Variants in CSMD3 observed in about 807,000 individuals in gnomAD.
The protein encoded by CSMD3 is CUB and Sushi multiple domains 3.
CSMD3 carries 177 observed loss-of-function variants against 435.2 expected under a neutral mutation model. The observed-to-expected ratio is 0.41, with a 90% confidence interval of 0.36 to 0.46. The LOEUF (loss-of-function observed/expected upper bound fraction) is 0.46, where lower values mean the gene tolerates loss of function less well. CSMD3 is among the 20% of genes least tolerant of loss of function. The pLI is 0.34. For missense variants in CSMD3, 4,265 were observed against 4,504.6 expected (o/e 0.95, Z 1.52); for synonymous variants, 1,656 against 1,520.5 (o/e 1.09, Z -2.07).
chr8:113,099,068 A>G lies in CSMD3; in HGVS notation c.710-105T>C, dbSNP rs77257865. On this transcript the variant is annotated intron_variant, in intron 4 of 70. Coordinates refer to ENST00000297405, the MANE Select transcript of CSMD3 (RefSeq NM_198123.2). ...ATGTTTGGATAAAAATAACAGTTCA[A>G]ATGTGATACCAAGTGCATAATATAC... 2.1e-3 allele frequency: 1,624 copies of G among 758,750 alleles called. 17 individuals carry two copies. In the African/African-American group the frequency reaches 0.025, roughly 12 times the overall value. 47.0% of individuals were successfully genotyped at this position (758,750 alleles called of 1,614,324 possible).
chr8:113,045,371 G>A (rs2131303702), intron 5 of CSMD3, among the ~76,000 whole-genome samples: 1 of 149,004 alleles, frequency 6.7e-6, no homozygotes, highest in Non-Finnish European at 1.5e-5. Context: ...AACGTCTCAC[G>A]TTATTGTCTT....
chr8:112,327,511 G>C (rs1314202725), intron 45 of CSMD3, among the ~76,000 whole-genome samples: 2 of 152,138 alleles, frequency 1.3e-5, no homozygotes, highest in Non-Finnish European at 2.9e-5. Flanking sequence ...ATATATGTTA[G>C]TCCATGCTTT....
intron 35 of CSMD3, among the ~76,000 whole-genome samples, chr8:112,398,948 G>A (rs1390455506): frequency 2.7e-5 from 4 of 148,916 alleles, no homozygotes; most frequent in Non-Finnish European, 5.9e-5. Context: ...ACAGAATCTC[G>A]CTCTGTTGCC....
chr8:113,216,703 C>T (rs1302828512), intron 3 of CSMD3, among the ~76,000 whole-genome samples: 1 of 151,874 alleles, frequency 6.6e-6, no homozygotes, highest in Admixed American at 6.6e-5. Context: ...CTACTTTTAT[C>T]AAAGCTTTCG....
intron 3 of CSMD3, among the ~76,000 whole-genome samples, chr8:113,275,108 T>G (rs905989340): frequency 6.6e-6 from 1 of 152,146 alleles, no homozygotes; most frequent in Non-Finnish European, 1.5e-5. Context: ...GTAATTCATA[T>G]GTATAGACTG....
chr8:112,576,387 C>T (rs1434451887), intron 23 of CSMD3, among the ~76,000 whole-genome samples: 1 of 151,740 alleles, frequency 6.6e-6, no homozygotes, highest in Non-Finnish European at 1.5e-5. Flanking sequence ...TAGTTCTAAG[C>T]CTTTGTTAGG....
chr8:113,350,173 C>T (rs2094180488), intron 1 of CSMD3, among the ~76,000 whole-genome samples: 1 of 151,980 alleles, frequency 6.6e-6, no homozygotes, highest in Admixed American at 6.6e-5. Context: ...TGACCCCCGA[C>T]AACATCATAC....
chr8:113,256,647 G>T (rs1195614039), intron 3 of CSMD3, among the ~76,000 whole-genome samples: 1 of 152,160 alleles, frequency 6.6e-6, no homozygotes, highest in Non-Finnish European at 1.5e-5. Flanking sequence ...ATTTCTAACT[G>T]TAAAAAATAA....
chr8:112,728,623 C>T (rs2077013885), intron 13 of CSMD3, among the ~76,000 whole-genome samples: 2 of 151,990 alleles, frequency 1.3e-5, no homozygotes, highest in African/African-American at 4.8e-5. Context: ...CTCCTCCTCC[C>T]ATAATGTATT....
intron 13 of CSMD3, among the ~76,000 whole-genome samples, chr8:112,741,295 C>T (rs1032307757): frequency 6.6e-6 from 1 of 151,828 alleles, no homozygotes; most frequent in Admixed American, 6.6e-5. Context: ...TGGTAAGAGA[C>T]TTAACTAGAC....
chr8:113,147,818 C>G (rs1204109287), intron 4 of CSMD3, among the ~76,000 whole-genome samples: 1 of 151,630 alleles, frequency 6.6e-6, no homozygotes, highest in Non-Finnish European at 1.5e-5. Flanking sequence ...ACACATAACA[C>G]TCATGAATAA....
At chr8:112,385,076 G>T (rs1186683827) in intron 36 of CSMD3, among the ~76,000 whole-genome samples, 1 of 152,050 alleles carries the variant, frequency 6.6e-6, no homozygotes, top group African/African-American at 2.4e-5. Context: ...ACAGTGGGGG[G>T]TATTTACATA....
chr8:112,386,132 G>A (rs888053487), intron 36 of CSMD3, among the ~76,000 whole-genome samples: 1 of 152,186 alleles, frequency 6.6e-6, no homozygotes, highest in African/African-American at 2.4e-5. Flanking sequence ...AAGAGATGCT[G>A]TCATTCCTGA....
rs181114655 is a variant in CSMD3 at position 112,998,143 on chromosome 8, T to C, written c.1030+20924A>G. Among the ~76,000 whole-genome samples the C allele has an allele frequency of 2.0e-3, 302 of 151,978 alleles. 4 individuals are homozygous for C. The highest frequency in any genetic ancestry group is 2.2e-4 in the Non-Finnish European group (15 of 67,900). The stretch of plus-strand genomic sequence containing the variant: ...ATGGAACTCTTTCCACATTGAAATA[T>C]AGCCTTGAAGATAGCTATTATTCCT... On this transcript the variant is annotated intron_variant, in intron 6 of 70. Coordinates refer to ENST00000297405, the MANE Select transcript of CSMD3 (RefSeq NM_198123.2).
intron 1 of CSMD3, among the ~76,000 whole-genome samples, chr8:113,360,315 C>T (rs1184152469): frequency 6.6e-6 from 1 of 151,838 alleles, no homozygotes; most frequent in Non-Finnish European, 1.5e-5. Context: ...TGTTCCCTAG[C>T]CTCTATAACA....
chr8:112,966,830 C>T (rs543717608), intron 7 of CSMD3, among the ~76,000 whole-genome samples: 14 of 151,994 alleles, frequency 9.2e-5, no homozygotes, highest in African/African-American at 3.4e-4. Flanking sequence ...CCCTTGCACT[C>T]ATAAATTTCC....
At chr8:112,348,441 C>G (rs1825859826) in intron 40 of CSMD3, among the ~76,000 whole-genome samples, 1 of 152,196 alleles carries the variant, frequency 6.6e-6, no homozygotes, top group African/African-American at 2.4e-5. Context: ...GCCTTGTTAT[C>G]TGATGACTAG....
At chr8:113,408,676 CAG>C (rs1211077437) in intron 1 of CSMD3, among the ~76,000 whole-genome samples, 3 of 139,116 alleles carry the variant, frequency 2.2e-5, no homozygotes, top group Middle Eastern at 3.9e-3. Flanking sequence ...TTTTTTGAAA[CAG>C]AGTCTTGCTC....
chr8:112,263,546 A>G (rs760119938), intron 61 of CSMD3, 93 bp downstream of exon 61: 37 of 956,324 alleles, frequency 3.9e-5, no homozygotes, highest in Non-Finnish European at 5.9e-5. Flanking sequence ...TTTGAACCCT[A>G]ATTAGGCATT....
Sources: gnomAD v4.1 joint callset for allele counts (sites outside exome capture counted in the v4.1 genomes callset) on GRCh38, gnomAD v4.1.1 for gene constraint, MANE v1.5 for transcripts, NCBI Gene and HGNC (gene_info 2026-07-23, HGNC 2026-07-21) for gene names.